TRIM49C: variants seen among roughly 807,000 people sequenced by gnomAD.
TRIM49C encodes tripartite motif-containing protein 49C.
A neutral mutation model predicts 21.4 loss-of-function variants in TRIM49C; 6 were observed. That is an observed-to-expected ratio of 0.28 (90% CI 0.15 to 0.55). The LOEUF is 0.55. Ranked by LOEUF, TRIM49C falls within the 20% of genes least tolerant of loss-of-function variation. The pLI is 0.94. For missense variants in TRIM49C, 161 were observed against 442.4 expected (o/e 0.36, Z 5.71); for synonymous variants, 57 against 148.1 (o/e 0.38, Z 4.47).
intron 2 of TRIM49C, among the ~76,000 whole-genome samples, chr11:90,034,586 T>C (rs1398961147): frequency 1.7e-5 from 2 of 116,478 alleles, no homozygotes; most frequent in Non-Finnish European, 3.3e-5. Flanking sequence ...AGTCTTTTTC[T>C]TTGTTTATTT....
At chr11:90,072,055 C>T in the TRIM49C span, among the ~76,000 whole-genome samples, 13 of 140,930 alleles carry the variant, frequency 9.2e-5, 4 homozygotes, top group East Asian at 1.5e-3. Flanking sequence ...ATGCTTCAAC[C>T]GTGATACAAT....
At chr11:90,052,961 G>A in the TRIM49C span, 1 of 140,598 alleles carries the variant, frequency 7.1e-6, no homozygotes, top group East Asian at 2.2e-4. Flanking sequence ...CTGGGGTCTG[G>A]GACTCTGCTG....
At chr11:90,057,528 TCA>T in the TRIM49C span, 2 of 862,074 alleles carry the variant, frequency 2.3e-6, no homozygotes, top group Non-Finnish European at 1.5e-6. Context: ...TCACAGGCTC[TCA>T]CACATAGTGT....
the TRIM49C span, among the ~76,000 whole-genome samples, chr11:90,054,307 C>A: frequency 2.3e-5 from 3 of 132,866 alleles, no homozygotes; most frequent in African/African-American, 8.0e-5. Context: ...TTTAGAATTT[C>A]ATCTTCCACT....
rs572947197 is a variant in TRIM49C at position 90,035,021 on chromosome 11, T to C, written c.-4-187T>C. 3.0e-5 allele frequency among the ~76,000 whole-genome samples: 4 copies of C among 133,766 alleles called. 1 individual carries two copies. Among genetic ancestry groups the C allele is most frequent in the African/African-American group, 5.9e-5 (2 of 33,982 alleles). The allele number at this position is 133,766 out of a possible 152,430, so 87.8% of individuals were successfully genotyped here. A position where few individuals can be genotyped will look rare whatever the true frequency, so the allele number is the denominator to read the frequency against. On this transcript the variant is annotated intron_variant, in intron 2 of 7. Transcript: ENST00000448984. ...GGACTGTGAGTCCTCTGGTTAGTAA[T>C]ATCTGTTATAAAGCCAGGAGACTCC...
chr11:90,041,119 T>A lies in TRIM49C; in HGVS notation c.928T>A (p.Cys310Ser), dbSNP rs1199462246. 6.3e-7 allele frequency: 1 copy of A among 1,596,368 alleles called. No homozygotes were observed. The highest frequency in any genetic ancestry group is 1.1e-5 in the South Asian group (1 of 89,236). The change falls in exon 8 of 8, where the codon TGT becomes AGT. Residue 310 changes from cysteine (C) to serine (S), a missense_variant. Cys to Ser is a moderately radical substitution (Grantham distance 112). Around this residue, in one of 3 missense-constraint regions of TRIM49C, gnomAD observed 80 missense variants for 314.8 expected, o/e 0.25. Coordinates refer to ENST00000448984, the MANE Select transcript of TRIM49C (RefSeq NM_001195234.1). ...TCTGTATGAAATTTTGAGAAGCATG[T>A]GTATTGGATGTGACCATCAAGATGT... Reference protein sequence around the residue: ...IFLYEILRSMCIGCDHQDVPY... With the variant: ...IFLYEILRSMSIGCDHQDVPY...
chr11:90,043,165 C>A (rs1444638079), downstream of TRIM49C, among the ~76,000 whole-genome samples: 1 of 144,134 alleles, frequency 6.9e-6, no homozygotes, highest in Non-Finnish European at 1.5e-5. Flanking sequence ...TGGCACACAC[C>A]TCCAATCCCA....
the TRIM49C span, chr11:90,072,851 A>G: frequency 9.3e-6 from 3 of 321,558 alleles, no homozygotes; most frequent in South Asian, 9.2e-5. Flanking sequence ...TCTCTTTCTT[A>G]TCTGAACATA....
the TRIM49C span, chr11:90,071,600 A>G: frequency 4.9e-6 from 3 of 614,310 alleles, 1 homozygote; most frequent in South Asian, 4.9e-5. Context: ...GTACATTACA[A>G]TATCAGAAGT....
chr11:90,073,172 T>C, the TRIM49C span: 1 of 968,104 alleles, frequency 1.0e-6, no homozygotes, highest in Non-Finnish European at 1.6e-6. Flanking sequence ...ATTTCTTCTT[T>C]TATGTGTGAA....
chr11:90,065,523 T>C, the TRIM49C span, among the ~76,000 whole-genome samples: 3 of 135,462 alleles, frequency 2.2e-5, 1 homozygote, highest in African/African-American at 7.9e-5. Context: ...CTTCCTGAGA[T>C]GGATTGGATT....
At chr11:90,068,978 C>T in the TRIM49C span, among the ~76,000 whole-genome samples, 1 of 110,810 alleles carries the variant, frequency 9.0e-6, no homozygotes, top group Non-Finnish European at 1.8e-5. Context: ...GAACAAGACC[C>T]TGTTTCGAAA....
At chr11:90,049,042 G>A in the TRIM49C span, among the ~76,000 whole-genome samples, 166 of 127,108 alleles carry the variant, frequency 1.3e-3, 42 homozygotes, top group African/African-American at 4.7e-3. Context: ...TCCAGACGCT[G>A]TTTGCCTGGG....
the TRIM49C span, among the ~76,000 whole-genome samples, chr11:90,055,990 G>A: frequency 3.8e-5 from 4 of 105,310 alleles, no homozygotes; most frequent in African/African-American, 1.4e-4. Flanking sequence ...ACGGAGTCCC[G>A]CTCTTTAGCC....
the TRIM49C span, chr11:90,073,176 G>C: frequency 2.2e-6 from 2 of 911,960 alleles, no homozygotes; most frequent in Non-Finnish European, 3.4e-6. Flanking sequence ...CTTCTTTTAT[G>C]TGTGAAGGTG....
the TRIM49C span, among the ~76,000 whole-genome samples, chr11:90,055,706 C>T: frequency 1.4e-5 from 2 of 146,436 alleles, no homozygotes; most frequent in Non-Finnish European, 1.5e-5. Flanking sequence ...TCCTACTTTT[C>T]TTCCGGCTTT....
chr11:90,066,746 T>C, the TRIM49C span, among the ~76,000 whole-genome samples: 9 of 130,684 alleles, frequency 6.9e-5, no homozygotes, highest in African/African-American at 2.5e-4. Context: ...TATATAATAA[T>C]TATTTACACA....
the TRIM49C span, among the ~76,000 whole-genome samples, chr11:90,063,321 TA>T: frequency 3.2e-5 from 4 of 125,890 alleles, 2 homozygotes; most frequent in African/African-American, 1.3e-4. Flanking sequence ...ACTTTATCTC[TA>T]GATTACTTTG....
downstream of TRIM49C, among the ~76,000 whole-genome samples, chr11:90,045,929 C>A (rs1565482341): frequency 8.3e-6 from 1 of 120,010 alleles, no homozygotes; most frequent in Non-Finnish European, 1.7e-5. Context: ...TCATAAATAG[C>A]TCTTATTATT....
Sources: gnomAD v4.1 joint callset for allele counts (sites outside exome capture counted in the v4.1 genomes callset) on GRCh38, gnomAD v4.1.1 for gene constraint, gnomAD v4.1.1 regional missense constraint, MANE v1.5 for transcripts, NCBI Gene and HGNC (gene_info 2026-07-23, HGNC 2026-07-21) for gene names.